RAPGEF2: variants seen among roughly 807,000 people sequenced by gnomAD.
RAPGEF2 encodes the protein Rap guanine nucleotide exchange factor 2.
In RAPGEF2, 54 loss-of-function variants were observed where a neutral mutation model predicts 186.7. The ratio of observed to expected loss-of-function variants is 0.29; its 90% CI spans 0.23 to 0.36. RAPGEF2 has a LOEUF of 0.36. Among genes scored for constraint, RAPGEF2 ranks in the 10% least tolerant of loss-of-function variants. The pLI is 1.00. For missense variants in RAPGEF2, 1,532 were observed against 2,045.0 expected (o/e 0.75, Z 4.84); for synonymous variants, 712 against 705.9 (o/e 1.01, Z -0.14).
chr4:159,354,155 T>C lies in RAPGEF2; in HGVS notation c.4651+109T>C, dbSNP rs1243506120. The C allele has an allele frequency of 4.2e-6, 5 of 1,201,852 alleles. No individual in the cohort carries two copies. The African/African-American group carries it at 7.7e-5, about 19-fold the overall frequency. The allele number at this position is 1,201,852 out of a possible 1,614,324, so 74.4% of individuals were successfully genotyped here. A position where few individuals can be genotyped will look rare whatever the true frequency, so the allele number is the denominator to read the frequency against. On this transcript the variant is annotated intron_variant, in intron 28 of 29. Transcript: ENST00000691494. ...TTGGTTCTTTTCCTCATTTTCTCCA[T>C]TGCTATGTAGGACTTCCAAATTAGT...
chr4:159,203,363 T>G (rs1446421825), intron 3 of RAPGEF2, among the ~76,000 whole-genome samples: 1 of 152,144 alleles, frequency 6.6e-6, no homozygotes, highest in African/African-American at 2.4e-5. Flanking sequence ...AGTGTATATA[T>G]TGGGGGTACT....
intron 7 of RAPGEF2, among the ~76,000 whole-genome samples, chr4:159,297,167 C>T (rs1053002330): frequency 6.6e-6 from 1 of 152,146 alleles, no homozygotes; most frequent in Non-Finnish European, 1.5e-5. Context: ...TTATCAAGCC[C>T]TCTCTGTTAC....
At chr4:159,150,578 C>CTA (rs1743433318) in intron 1 of RAPGEF2, among the ~76,000 whole-genome samples, 1 of 152,072 alleles carries the variant, frequency 6.6e-6, no homozygotes, top group South Asian at 2.1e-4. Context: ...CCTAATGTAC[C>CTA]ATGAAGAGAA....
intron 7 of RAPGEF2, among the ~76,000 whole-genome samples, chr4:159,294,280 GCTCCATACT>G (rs773421036): frequency 4.5e-4 from 68 of 152,090 alleles, no homozygotes; most frequent in Non-Finnish European, 8.8e-4. Flanking sequence ...CATTTCCCGA[GCTCCATACT>G]CCATTGAGCA....
chr4:159,240,575 C>T (rs954758143), intron 5 of RAPGEF2, among the ~76,000 whole-genome samples: 8 of 151,842 alleles, frequency 5.3e-5, no homozygotes, highest in Non-Finnish European at 1.2e-4. Flanking sequence ...CCTCGTGATC[C>T]ACCCGCCTCG....
intron 1 of RAPGEF2, among the ~76,000 whole-genome samples, chr4:159,108,618 TG>T (rs1018444630): frequency 7.2e-5 from 11 of 152,284 alleles, no homozygotes; most frequent in African/African-American, 2.6e-4. Flanking sequence ...ACTTTGGACC[TG>T]AAAAAAACTT....
chr4:159,177,028 C>T (rs1481962237), intron 1 of RAPGEF2, among the ~76,000 whole-genome samples: 4 of 152,068 alleles, frequency 2.6e-5, no homozygotes, highest in African/African-American at 4.8e-5. Context: ...GGAAAATTTC[C>T]CCATTCTCCT....
At chr4:159,119,662 T>C (rs2111090509) in intron 1 of RAPGEF2, among the ~76,000 whole-genome samples, 1 of 152,318 alleles carries the variant, frequency 6.6e-6, no homozygotes, top group Middle Eastern at 3.4e-3. Flanking sequence ...GCTTATTAGG[T>C]GTATGATTAT....
chr4:159,303,397 A>G (rs1223298767), intron 7 of RAPGEF2, among the ~76,000 whole-genome samples: 2 of 152,136 alleles, frequency 1.3e-5, no homozygotes. Flanking sequence ...GGAAAAAGGG[A>G]GTGTTATCAG....
chr4:159,129,641 C>T (rs940570783), intron 1 of RAPGEF2, among the ~76,000 whole-genome samples: 3 of 152,180 alleles, frequency 2.0e-5, no homozygotes, highest in African/African-American at 7.2e-5. Flanking sequence ...CTATTCTATC[C>T]ACTCTACTCC....
chr4:159,227,724 C>T (rs1057037391), intron 4 of RAPGEF2, among the ~76,000 whole-genome samples: 1 of 152,236 alleles, frequency 6.6e-6, no homozygotes, highest in South Asian at 2.1e-4. Context: ...ACTGCTTGCT[C>T]TCTTCACCCC....
intron 1 of RAPGEF2, among the ~76,000 whole-genome samples, chr4:159,139,073 G>T (rs2111157334): frequency 6.6e-6 from 1 of 152,288 alleles, no homozygotes; most frequent in Middle Eastern, 3.4e-3. Context: ...CTCTAGGAAG[G>T]GCACATTTGC....
chr4:159,158,742 A>G (rs1744385415), intron 1 of RAPGEF2, among the ~76,000 whole-genome samples: 1 of 152,208 alleles, frequency 6.6e-6, no homozygotes, highest in Admixed American at 6.5e-5. Context: ...AATTTGCTCA[A>G]TATTAATTGA....
At chr4:159,254,693 C>G (rs1035542657) in intron 7 of RAPGEF2, among the ~76,000 whole-genome samples, 32 of 151,742 alleles carry the variant, frequency 2.1e-4, no homozygotes, top group Non-Finnish European at 1.2e-4. Flanking sequence ...ACTGCAACCC[C>G]TGTCTTCTGG....
At chr4:159,222,142 T>C (rs554683379) in intron 4 of RAPGEF2, among the ~76,000 whole-genome samples, 7 of 152,338 alleles carry the variant, frequency 4.6e-5, no homozygotes, top group Admixed American at 2.0e-4. Flanking sequence ...CATATTCCGA[T>C]GTGATACCTG....
chr4:159,328,800 C>T (rs959292541), intron 11 of RAPGEF2: 2 of 152,072 alleles, frequency 1.3e-5, no homozygotes, highest in Admixed American at 6.6e-5. Context: ...TGAAAAAGTT[C>T]CATAAGGCTG....
At chr4:159,338,237 CTG>C in intron 17 of RAPGEF2, 72 bp from the exon 18 acceptor site, 1 of 1,289,876 alleles carries the variant, frequency 7.8e-7, no homozygotes, top group Admixed American at 2.7e-5. Context: ...GGTTTTTGGT[CTG>C]TGTTTATTAT....
chr4:159,110,026 A>G (rs1738319175), intron 1 of RAPGEF2, among the ~76,000 whole-genome samples: 1 of 152,206 alleles, frequency 6.6e-6, no homozygotes, highest in Non-Finnish European at 1.5e-5. Flanking sequence ...GAAATATTGC[A>G]GGAGTAGAAT....
rs192354766 is a variant in RAPGEF2 at position 159,261,943 on chromosome 4, T to G, written c.543+18152T>G. On this transcript the variant is annotated intron_variant, in intron 7 of 29. Transcript: ENST00000691494. ...GTCTTTATATTTATTCCTGTAAAAT[T>G]TAAATTTACTGGTTTTAGCCTACTC... Among the ~76,000 whole-genome samples, 196 of 152,326 alleles carry G rather than the reference T, an allele frequency of 1.3e-3. 2 individuals carry two copies. Among genetic ancestry groups the G allele is most frequent in the African/African-American group, 4.1e-3 (172 of 41,568 alleles).
Sources: allele counts gnomAD v4.1 joint callset (sites outside exome capture counted in the v4.1 genomes callset), GRCh38; gene constraint gnomAD v4.1.1; transcripts MANE v1.5; gene names NCBI Gene and HGNC (gene_info 2026-07-23, HGNC 2026-07-21).